Variants in MYH11 observed in about 807,000 individuals in gnomAD.
The protein encoded by MYH11 is myosin heavy chain 11.
MYH11 carries 80 observed loss-of-function variants against 246.6 expected under a neutral mutation model. That is an observed-to-expected ratio of 0.32 (90% CI 0.27 to 0.39). The LOEUF is 0.39. MYH11 is among the 10% of genes least tolerant of loss of function. MYH11 has a pLI of 1.00. For synonymous variants in MYH11, 1,071 were observed against 1,015.5 expected (o/e 1.05, Z -1.04); for missense variants, 2,158 against 2,546.8 (o/e 0.85, Z 3.29).
chr16:15,778,868 G>A, intron 6 of MYH11, 25 bp from the exon 7 acceptor site: 1 of 1,613,212 alleles, frequency 6.2e-7, no homozygotes, highest in Non-Finnish European at 8.5e-7. Flanking sequence ...ACACAGTTCA[G>A]GCTTTGCTGC....
chr16:15,852,346 T>TC (rs1262982083), intron 1 of MYH11, among the ~76,000 whole-genome samples: 1 of 150,894 alleles, frequency 6.6e-6, no homozygotes, highest in East Asian at 1.9e-4. Flanking sequence ...TTTTTTTTTT[T>TC]TTTTTGAGAC....
chr16:15,735,326 C>T, intron 26 of MYH11, 40 bp downstream of exon 26: 1 of 1,606,850 alleles, frequency 6.2e-7, no homozygotes, highest in East Asian at 2.2e-5. Flanking sequence ...CCCATTGGTG[C>T]AGTGGGATAG....
At chr16:15,783,369 C>G (rs929527650) in intron 5 of MYH11, 4 of 152,224 alleles carry the variant, frequency 2.6e-5, no homozygotes, top group African/African-American at 9.7e-5. Flanking sequence ...GGACAGGAGC[C>G]GGGAAAGTGT....
At position 15,760,532 on chromosome 16, in the gene MYH11, A is replaced by C; in HGVS notation, c.1248+8T>G. 2 of 1,585,456 alleles carry C rather than the reference A, an allele frequency of 1.3e-6. No homozygotes were observed. Among genetic ancestry groups the C allele is most frequent in the South Asian group, 1.1e-5 (1 of 90,478 alleles). ...GCATGGATGGATAAGTGATAAGTAC[A>C]TCATTACCTGTTCTTTTGTCTGAGC... On this transcript the variant is annotated splice_region_variant and intron_variant, in intron 11 of 40. Transcript: ENST00000300036.
rs2040382184 is a variant in MYH11 at position 15,720,019 on chromosome 16, A to G, written c.4953+132T>C. On this transcript the variant is annotated intron_variant, in intron 34 of 40. Transcript: ENST00000300036. ...GCCACCAAATCCTGAATGGTTCCAG[A>G]AAAACCCCAGCTGAACCCACACCAA... is the stretch of plus-strand genomic sequence containing the variant. 9 of 1,314,036 alleles carry G rather than the reference A, an allele frequency of 6.8e-6. No homozygotes were observed. The East Asian group carries it at 2.1e-4, about 30-fold the overall frequency. The allele number at this position is 1,314,036 out of a possible 1,614,324, so 81.4% of individuals were successfully genotyped here.
At chr16:15,762,132 G>A (rs1278997738) in intron 10 of MYH11, among the ~76,000 whole-genome samples, 1 of 152,126 alleles carries the variant, frequency 6.6e-6, no homozygotes, top group African/African-American at 2.4e-5. Flanking sequence ...CTGCCACTAC[G>A]CCTGGCTAAT....
rs1567687648 is a variant in MYH11, at chr16:15,717,209, A to G, written c.5435T>C (p.Phe1812Ser). The part of the protein sequence containing the change: ...HEMEGAVKSK[F>S]KSTIAALEAK... ...CTCCAGCGCCGCGATGGTGGACTTG[A>G]ACTTGGACTTGACGGCCCCCTCCAT... Residue 1812 changes from phenylalanine to serine, a missense_variant, in exon 38 of 41, where the codon TTC becomes TCC. Around this residue, in one of 11 missense-constraint regions of MYH11, gnomAD observed 1,013 missense variants for 993.5 expected, o/e 1.02. Coordinates refer to ENST00000300036, the MANE Select transcript of MYH11 (RefSeq NM_002474.3). 1.9e-6 allele frequency: 3 copies of G among 1,614,134 alleles called. No homozygotes were observed. Among genetic ancestry groups the G allele is most frequent in the Admixed American group, 1.7e-5 (1 of 60,004 alleles).
chr16:15,738,235 G>A (rs2151245372), intron 24 of MYH11, among the ~76,000 whole-genome samples: 1 of 152,250 alleles, frequency 6.6e-6, no homozygotes, highest in South Asian at 2.1e-4. Flanking sequence ...CCCAGGAATA[G>A]TGGCTCATGC....
chr16:15,853,898 C>T (rs1057365262), intron 1 of MYH11, among the ~76,000 whole-genome samples: 11 of 152,100 alleles, frequency 7.2e-5, no homozygotes, highest in Non-Finnish European at 1.5e-4. Context: ...GTGGTGGGCG[C>T]CTATAAACCC....
At chr16:15,714,601 A>C in intron 40 of MYH11, 1 of 511,062 alleles carries the variant, frequency 2.0e-6, no homozygotes, top group East Asian at 3.5e-5. Context: ...CAGTGATGCA[A>C]TGAAGGAGGG....
chr16:15,734,296 G>C (rs1164937035), intron 26 of MYH11, among the ~76,000 whole-genome samples: 2 of 134,176 alleles, frequency 1.5e-5, no homozygotes, highest in East Asian at 4.8e-4. Flanking sequence ...TGATTTTTTT[G>C]TTTTTTGTTT....
At chr16:15,745,386 G>A in intron 19 of MYH11, 149 bp from the exon 20 acceptor site, 1 of 618,530 alleles carries the variant, frequency 1.6e-6, no homozygotes, top group Non-Finnish European at 2.9e-6. Flanking sequence ...TGACACATGT[G>A]TTGTCTGGCT....
At position 15,725,149 on chromosome 16, in the gene MYH11, A is replaced by G. The variant is rs550076836; in HGVS notation, c.3859-157T>C. The G allele has an allele frequency of 1.8e-3, 1,056 of 576,010 alleles. 6 individuals are homozygous for G. In the African/African-American group the frequency reaches 0.022, roughly 12 times the overall value. 35.7% of individuals were successfully genotyped at this position (576,010 alleles called of 1,614,324 possible). ...GGGACTCTGATAAAAAAAAAAAAAAACACACACACACACAAAAAAAACAGA... is the reference window on the plus strand; with the variant it reads ...GGGACTCTGATAAAAAAAAAAAAAAGCACACACACACACAAAAAAAACAGA... On this transcript the variant is annotated intron_variant, in intron 28 of 40. Coordinates refer to ENST00000300036, the MANE Select transcript of MYH11 (RefSeq NM_002474.3).
intron 15 of MYH11, among the ~76,000 whole-genome samples, chr16:15,751,758 A>T (rs1438737148): frequency 1.3e-5 from 2 of 151,472 alleles, no homozygotes; most frequent in East Asian, 3.9e-4. Context: ...GATTACAGGC[A>T]CCCACCAGCA....
chr16:15,763,156 G>C (rs2151281661), intron 10 of MYH11, among the ~76,000 whole-genome samples: 1 of 152,232 alleles, frequency 6.6e-6, no homozygotes, highest in South Asian at 2.1e-4. Context: ...AAAAAGGTTT[G>C]TTGTTTACCT....
intron 9 of MYH11, among the ~76,000 whole-genome samples, chr16:15,767,095 T>C (rs2042000176): frequency 6.6e-6 from 1 of 152,026 alleles, no homozygotes; most frequent in Non-Finnish European, 1.5e-5. Flanking sequence ...GATGGATGAA[T>C]GTATAAATGT....
chr16:15,845,182 C>G (rs1473347160), intron 1 of MYH11, among the ~76,000 whole-genome samples: 1 of 152,156 alleles, frequency 6.6e-6, no homozygotes, highest in Non-Finnish European at 1.5e-5. Flanking sequence ...ATGAAACTCT[C>G]TACACCAAGC....
Position 15,720,822 on chromosome 16 carries a change from TC to T in MYH11, c.4791+16del. 1 of 1,612,550 alleles carries T rather than the reference TC, an allele frequency of 6.2e-7. No homozygotes were observed. The highest frequency in any genetic ancestry group is 8.5e-7 in the Non-Finnish European group (1 of 1,179,850). On this transcript the variant is annotated intron_variant, in intron 33 of 40. Coordinates refer to ENST00000300036, the MANE Select transcript of MYH11 (RefSeq NM_002474.3). ...GCCACCCGACCTCCCTCTGCTGGCCTCCCCGGCAGCACGCACCTGTCTCTGC... is the reference window on the plus strand; with the variant it reads ...GCCACCCGACCTCCCTCTGCTGGCCTCCCGGCAGCACGCACCTGTCTCTGC...
At position 15,741,763 on chromosome 16, in the gene MYH11, C is replaced by T. The variant is rs150943863; in HGVS notation, c.2649G>A (p.Ser883=). The T allele has an allele frequency of 1.0e-4, 167 of 1,614,160 alleles. No individual in the cohort carries two copies. The African/African-American group carries it at 1.8e-3, about 18-fold the overall frequency. The change falls in exon 21 of 41, where the codon TCG becomes TCA. Residue 883 remains serine, a synonymous_variant. Transcript: ENST00000300036. The stretch of plus-strand genomic sequence containing the variant: ...AGCCATGCATCCATACAGGTACCTG[C>T]GAGTGCTTCTGTTCCAGCTCCTTAA... ...NELKELEQKH[S]QLTEEKNLLQ...
Sources: allele counts gnomAD v4.1 joint callset (sites outside exome capture counted in the v4.1 genomes callset), GRCh38; gene constraint gnomAD v4.1.1; regional missense constraint gnomAD v4.1.1; transcripts MANE v1.5; gene names NCBI Gene and HGNC (gene_info 2026-07-23, HGNC 2026-07-21).